The following GRID2 variants were observed in gnomAD, a reference collection of about 807,000 sequenced individuals.
GRID2 encodes the protein glutamate ionotropic receptor delta type subunit 2.
In GRID2, 33 loss-of-function variants were observed where a neutral mutation model predicts 114.8. The ratio of observed to expected loss-of-function variants is 0.29; its 90% CI spans 0.22 to 0.38. The LOEUF (loss-of-function observed/expected upper bound fraction) is 0.38. GRID2 is among the 10% of genes least tolerant of loss of function. The pLI, the probability that GRID2 is intolerant of heterozygous loss-of-function variation, is 1.00. For synonymous variants in GRID2, 505 were observed against 449.9 expected (o/e 1.12, Z -1.55); for missense variants, 1,184 against 1,257.7 (o/e 0.94, Z 0.89).
exon 2 of GRID2, chr4:93,809,306 C>G (rs2110374647): frequency 6.6e-6 from 1 of 152,270 alleles, no homozygotes; most frequent in African/African-American, 2.4e-5. Context: ...GTATTCCAGG[C>G]TGAAACTCTG....
intron 2 of GRID2, among the ~76,000 whole-genome samples, chr4:92,924,086 C>T (rs377250042): frequency 3.3e-5 from 5 of 152,268 alleles, no homozygotes; most frequent in African/African-American, 4.8e-5. Flanking sequence ...AGGATAAGTT[C>T]GTGTCCTTTG....
rs758559988 is a variant in GRID2, at chr4:93,490,635, A to G, written c.1859-4A>G. The G allele has an allele frequency of 1.2e-6, 2 of 1,600,280 alleles. No homozygotes were observed. The highest frequency in any genetic ancestry group is 2.7e-5 in the African/African-American group (2 of 74,544). On this transcript the variant is annotated splice_polypyrimidine_tract_variant and splice_region_variant and intron_variant, in intron 11 of 15. Transcript: ENST00000282020. ...TCTTTTTATCTCTTTGCTTCTTTCTACAGGCGGGGAAGTCCCGTACACGAC... is the reference window on the plus strand; with the variant it reads ...TCTTTTTATCTCTTTGCTTCTTTCTGCAGGCGGGGAAGTCCCGTACACGAC...
chr4:92,848,758 A>G (rs1743531345), intron 2 of GRID2, among the ~76,000 whole-genome samples: 3 of 152,036 alleles, frequency 2.0e-5, no homozygotes, highest in Non-Finnish European at 2.9e-5. Context: ...GAGGAGATTA[A>G]GTTTAAATGA....
intron 8 of GRID2, among the ~76,000 whole-genome samples, chr4:93,279,764 A>G (rs1419878572): frequency 1.3e-5 from 2 of 152,000 alleles, no homozygotes; most frequent in Admixed American, 6.6e-5. Context: ...TTAATTCTGA[A>G]TATATCTCAT....
At chr4:93,076,307 G>T (rs898644708) in intron 2 of GRID2, among the ~76,000 whole-genome samples, 2 of 152,220 alleles carry the variant, frequency 1.3e-5, no homozygotes, top group Admixed American at 1.3e-4. Context: ...CTAGAGATGA[G>T]CATGAAAATG....
intron 2 of GRID2, among the ~76,000 whole-genome samples, chr4:93,047,883 C>CAAAA (rs202164662): frequency 2.7e-5 from 4 of 147,592 alleles, no homozygotes; most frequent in African/African-American, 1.0e-4. Flanking sequence ...AACAAACAAA[C>CAAAA]AAAAAAAACA....
At chr4:93,109,406 G>A (rs1170170255) in intron 3 of GRID2, among the ~76,000 whole-genome samples, 1 of 152,124 alleles carries the variant, frequency 6.6e-6, no homozygotes, top group Non-Finnish European at 1.5e-5. Flanking sequence ...GAAGAAGAAA[G>A]CAAAATTGTT....
At chr4:93,125,401 A>G (rs1734175840) in intron 4 of GRID2, among the ~76,000 whole-genome samples, 1 of 151,978 alleles carries the variant, frequency 6.6e-6, no homozygotes. Flanking sequence ...TAATATTTAT[A>G]TATGTTATAA....
chr4:92,519,010 A>T (rs545741322), intron 1 of GRID2, among the ~76,000 whole-genome samples: 1 of 151,896 alleles, frequency 6.6e-6, no homozygotes, highest in Non-Finnish European at 1.5e-5. Flanking sequence ...CCAATGTAAG[A>T]AAAACAGAAT....
chr4:92,384,596 A>T (rs1374300125), intron 1 of GRID2, among the ~76,000 whole-genome samples: 1 of 28,310 alleles, frequency 3.5e-5, no homozygotes, highest in African/African-American at 9.1e-5. Context: ...TATTATATAT[A>T]ACATAATATA....
intron 3 of GRID2, among the ~76,000 whole-genome samples, chr4:93,109,469 A>C (rs925401398): frequency 6.6e-6 from 1 of 152,296 alleles, no homozygotes; most frequent in Admixed American, 6.5e-5. Context: ...GAGTAAATGT[A>C]GTTTCTAAAT....
At chr4:92,410,203 T>G (rs890378714) in intron 1 of GRID2, among the ~76,000 whole-genome samples, 27 of 152,164 alleles carry the variant, frequency 1.8e-4, no homozygotes, top group African/African-American at 6.5e-4. Context: ...TCAACTTCTT[T>G]GTGTAGTGGG....
intron 1 of GRID2, among the ~76,000 whole-genome samples, chr4:92,365,037 G>A (rs376019650): frequency 2.1e-4 from 32 of 152,118 alleles, no homozygotes; most frequent in African/African-American, 7.5e-4. Flanking sequence ...CTACTACATT[G>A]TTGGTGGGAA....
At chr4:92,954,794 T>C (rs1014278022) in intron 2 of GRID2, among the ~76,000 whole-genome samples, 8 of 133,940 alleles carry the variant, frequency 6.0e-5, no homozygotes, top group Non-Finnish European at 9.3e-5. Context: ...GTCCCCAGAG[T>C]GTGATGTTCC....
At chr4:93,543,710 T>TAG (rs34742442) in intron 13 of GRID2, among the ~76,000 whole-genome samples, 10,475 of 133,380 alleles carry the variant, frequency 0.079, 515 homozygotes, top group African/African-American at 0.14. Context: ...GAGTGAGAGA[T>TAG]AGAGAGAGAG....
At chr4:93,790,313 C>G (rs913286789) in intron 1 of GRID2, among the ~76,000 whole-genome samples, 4 of 152,062 alleles carry the variant, frequency 2.6e-5, no homozygotes, top group Non-Finnish European at 4.4e-5. Flanking sequence ...CTTTTTAGGA[C>G]ACGTTACAAT....
intron 2 of GRID2, among the ~76,000 whole-genome samples, chr4:92,989,429 A>G (rs1345512171): frequency 6.6e-6 from 1 of 151,900 alleles, no homozygotes; most frequent in African/African-American, 2.4e-5. Flanking sequence ...AATGAGAGGG[A>G]CATGAAGTTA....
At chr4:93,536,917 C>T (rs1560726954) in intron 13 of GRID2, among the ~76,000 whole-genome samples, 1 of 151,420 alleles carries the variant, frequency 6.6e-6, no homozygotes, top group African/African-American at 2.4e-5. Context: ...TTGATGTATT[C>T]CATATATCTT....
intron 1 of GRID2, among the ~76,000 whole-genome samples, chr4:92,309,139 T>A (rs1263729893): frequency 6.6e-6 from 1 of 152,038 alleles, no homozygotes; most frequent in Non-Finnish European, 1.5e-5. Flanking sequence ...AAAATCCAGG[T>A]GATTAACTTT....
Sources: allele counts gnomAD v4.1 joint callset (sites outside exome capture counted in the v4.1 genomes callset), GRCh38; gene constraint gnomAD v4.1.1; transcripts MANE v1.5; gene names NCBI Gene and HGNC (gene_info 2026-07-23, HGNC 2026-07-21).